The following TIAM2 variants were observed in gnomAD, a reference collection of about 807,000 sequenced individuals.
TIAM2 encodes rho guanine nucleotide exchange factor TIAM2.
A neutral mutation model predicts 152.9 loss-of-function variants in TIAM2; 80 were observed. The observed-to-expected ratio is 0.52, with a 90% CI of 0.44 to 0.63. The LOEUF (loss-of-function observed/expected upper bound fraction) is 0.63, where lower values mean the gene tolerates loss of function less well. Ranked by LOEUF, TIAM2 falls within the 30% of genes least tolerant of loss-of-function variation. The pLI is 0.00. For synonymous variants in TIAM2, 804 were observed against 838.0 expected (o/e 0.96, Z 0.70); for missense variants, 1,965 against 2,120.1 (o/e 0.93, Z 1.44).
At chr6:155,175,553 T>C (rs1780740384) in intron 9 of TIAM2, among the ~76,000 whole-genome samples, 2 of 152,228 alleles carry the variant, frequency 1.3e-5, no homozygotes, top group Admixed American at 1.3e-4. Flanking sequence ...TTTTTCAATA[T>C]GAATTATATT....
At chr6:155,038,402 C>T (rs1776960979) in intron 1 of TIAM2, among the ~76,000 whole-genome samples, 1 of 152,166 alleles carries the variant, frequency 6.6e-6, no homozygotes, top group African/African-American at 2.4e-5. Flanking sequence ...AAGAGAGACA[C>T]AGGATGCTGT....
intron 7 of TIAM2, among the ~76,000 whole-genome samples, chr6:155,157,113 C>G (rs1780138866): frequency 6.6e-6 from 1 of 152,180 alleles, no homozygotes; most frequent in South Asian, 2.1e-4. Context: ...ACCCTCGATG[C>G]CTTGCTTGAG....
chr6:155,022,893 C>G (rs138849694), intron 1 of TIAM2, among the ~76,000 whole-genome samples: 381 of 152,332 alleles, frequency 2.5e-3, no homozygotes, highest in Admixed American at 6.4e-3. Flanking sequence ...CTGCTTGTGT[C>G]ATAGCGCTGG....
intron 1 of TIAM2, among the ~76,000 whole-genome samples, chr6:155,059,773 GTGGTGTCAGCCTGCT>G (rs1291029174): frequency 2.6e-5 from 4 of 152,186 alleles, no homozygotes; most frequent in Non-Finnish European, 4.4e-5. Context: ...GTTGGTTAGT[GTGGTGTCAGCCTGCT>G]TGGTGTCAGC....
intron 15 of TIAM2, among the ~76,000 whole-genome samples, chr6:155,232,045 C>G (rs1005454989): frequency 1.3e-5 from 2 of 152,168 alleles, no homozygotes; most frequent in Non-Finnish European, 2.9e-5. Flanking sequence ...CGTGCCACTG[C>G]ACTCCCGCCT....
intron 15 of TIAM2, among the ~76,000 whole-genome samples, chr6:155,222,893 T>A (rs946462001): frequency 2.0e-5 from 3 of 152,212 alleles, no homozygotes; most frequent in Non-Finnish European, 4.4e-5. Context: ...TAGAATTTGC[T>A]TCGGTCGTTT....
At chr6:155,021,014 C>T (rs1023896885) in intron 1 of TIAM2, among the ~76,000 whole-genome samples, 4 of 152,140 alleles carry the variant, frequency 2.6e-5, no homozygotes, top group South Asian at 2.1e-4. Flanking sequence ...TTTTGCTTAG[C>T]GTGATGTCCT....
At chr6:155,177,188 T>C (rs907281381) in intron 10 of TIAM2, among the ~76,000 whole-genome samples, 3 of 152,260 alleles carry the variant, frequency 2.0e-5, no homozygotes, top group African/African-American at 7.2e-5. Context: ...TATTAGGTCA[T>C]GATCCCACAC....
chr6:155,246,713 G>A (rs1783357632), intron 19 of TIAM2, among the ~76,000 whole-genome samples: 2 of 152,148 alleles, frequency 1.3e-5, no homozygotes, highest in Admixed American at 1.3e-4. Flanking sequence ...TTGACAGTCA[G>A]TGCAGTACAG....
At chr6:155,024,474 C>T (rs945371491) in intron 1 of TIAM2, among the ~76,000 whole-genome samples, 2 of 151,646 alleles carry the variant, frequency 1.3e-5, no homozygotes, top group African/African-American at 4.9e-5. Flanking sequence ...CATTTGGTGG[C>T]AGATGGGGTA....
chr6:155,244,674 G>T lies in TIAM2; in HGVS notation c.3434G>T (p.Gly1145Val). Residue 1145 changes from glycine (G) to valine (V), a missense_variant, in exon 18 of 27, where the codon GGA (glycine) becomes GTA (valine). Transcript: ENST00000682666. ...TTCACATAGATGGAGTCACTTTTTGGAAGTTTGCCAGAGATGCTTGAGTTT... is the reference window on the plus strand; with the variant it reads ...TTCACATAGATGGAGTCACTTTTTGTAAGTTTGCCAGAGATGCTTGAGTTT... Reference protein sequence around the residue: ...LTQDEMESLFGSLPEMLEFQK... With the variant: ...LTQDEMESLFVSLPEMLEFQK... The T allele has an allele frequency of 6.2e-7, 1 of 1,613,436 alleles. No homozygotes were observed. The highest frequency in any genetic ancestry group is 1.1e-5 in the South Asian group (1 of 90,914).
At chr6:155,026,945 A>G (rs2114874607) in intron 1 of TIAM2, among the ~76,000 whole-genome samples, 1 of 152,270 alleles carries the variant, frequency 6.6e-6, no homozygotes, top group East Asian at 1.9e-4. Context: ...TACCTACTTG[A>G]AATGCCACCT....
intron 14 of TIAM2, among the ~76,000 whole-genome samples, chr6:155,205,640 C>T (rs1324749355): frequency 6.6e-6 from 1 of 152,170 alleles, no homozygotes; most frequent in African/African-American, 2.4e-5. Flanking sequence ...TGGCATCAGC[C>T]AGATGAACCA....
Position 155,214,331 on chromosome 6 carries a change from C to T in TIAM2, c.3168+3024C>T, listed in dbSNP as rs146428615. ...CACATGGCACATCCTTTGGAGGAACCATGTGGCATACCTTTTGGGGGTTGG... is the reference window on the plus strand; with the variant it reads ...CACATGGCACATCCTTTGGAGGAACTATGTGGCATACCTTTTGGGGGTTGG... On this transcript the variant is annotated intron_variant, in intron 15 of 26. Coordinates refer to ENST00000682666, the MANE Select transcript of TIAM2 (RefSeq NM_012454.4). The surrounding 1 kb of genome is among the most constrained non-coding windows in gnomAD (Gnocchi z 5.4). Among the ~76,000 whole-genome samples, 273 of 152,326 alleles carry T rather than the reference C, an allele frequency of 1.8e-3. 1 individual carries two copies. Among genetic ancestry groups the T allele is most frequent in the African/African-American group, 6.1e-3 (255 of 41,580 alleles).
At chr6:155,143,554 T>G (rs1244138225) in intron 5 of TIAM2, among the ~76,000 whole-genome samples, 1 of 152,204 alleles carries the variant, frequency 6.6e-6, no homozygotes, top group African/African-American at 2.4e-5. Context: ...TTAAGTTATT[T>G]TACATGGCAT....
chr6:155,113,481 G>T (rs1237912362), intron 2 of TIAM2, among the ~76,000 whole-genome samples: 1 of 152,110 alleles, frequency 6.6e-6, no homozygotes, highest in Admixed American at 6.5e-5. Context: ...AGCACTTTGG[G>T]AGGCTGAGGC....
chr6:155,166,789 G>A (rs1293870369), intron 9 of TIAM2, among the ~76,000 whole-genome samples: 3 of 152,160 alleles, frequency 2.0e-5, no homozygotes, highest in Non-Finnish European at 4.4e-5. Flanking sequence ...TGATTGATAT[G>A]TTTTAGGATT....
In TIAM2 at chr6:155,257,661, T is replaced by TATC. The variant is rs1331597561; in HGVS notation, c.*541_*543dup. ...ATATATTAAAAGAAAGCTTGTACTG[T>TATC]ATCTTATTTGATGATATTTATTTTC... On this transcript the variant is annotated 3_prime_UTR_variant, in exon 27 of 27. Transcript: ENST00000682666. The TATC allele has an allele frequency of 3.0e-6, 2 of 677,380 alleles. No individual in the cohort carries two copies. The highest frequency in any genetic ancestry group is 5.0e-6 in the Non-Finnish European group (2 of 403,720). 42.0% of individuals were successfully genotyped at this position (677,380 alleles called of 1,614,324 possible).
intron 5 of TIAM2, among the ~76,000 whole-genome samples, chr6:155,142,279 C>T (rs1000769061): frequency 7.3e-5 from 11 of 151,414 alleles, no homozygotes; most frequent in Non-Finnish European, 7.4e-5. Flanking sequence ...CAAAATTCTG[C>T]CTATTGTTTT....
Sources: gnomAD v4.1 joint callset for allele counts (sites outside exome capture counted in the v4.1 genomes callset) on GRCh38, gnomAD v4.1.1 for gene constraint, Gnocchi (gnomAD v3.1) non-coding constraint, MANE v1.5 for transcripts, NCBI Gene and HGNC (gene_info 2026-07-23, HGNC 2026-07-21) for gene names.